The following PLAAT5 variants were observed in gnomAD, a reference collection of about 807,000 sequenced individuals.
The protein encoded by PLAAT5 is phospholipase A and acyltransferase 5.
PLAAT5 carries 27 observed loss-of-function variants against 27.8 expected under a neutral mutation model. The observed-to-expected ratio is 0.97, with a 90% confidence interval of 0.72 to 1.34. The LOEUF (loss-of-function observed/expected upper bound fraction) is 1.34, where lower values mean the gene tolerates loss of function less well. PLAAT5 is among the 40% of genes most tolerant of loss of function. The probability of loss-of-function intolerance (pLI) is 0.00; values close to 1 mark genes in which losing one functional copy is unlikely to be tolerated. For synonymous variants in PLAAT5, 125 were observed against 136.1 expected (o/e 0.92, Z 0.57); for missense variants, 368 against 343.8 (o/e 1.07, Z -0.56).
At chr11:63,475,552 C>T (rs1419784590) in intron 3 of PLAAT5, among the ~76,000 whole-genome samples, 1 of 151,910 alleles carries the variant, frequency 6.6e-6, no homozygotes, top group Non-Finnish European at 1.5e-5. Flanking sequence ...GGATCTTGTA[C>T]TATCAAGTCA....
At chr11:63,474,810 T>G (rs1481083855) in intron 3 of PLAAT5, among the ~76,000 whole-genome samples, 1 of 152,068 alleles carries the variant, frequency 6.6e-6, no homozygotes, top group Non-Finnish European at 1.5e-5. Flanking sequence ...GCTATAAATT[T>G]TCCTCTAAGC....
At chr11:63,466,619 C>T (rs1324952617) in intron 4 of PLAAT5, among the ~76,000 whole-genome samples, 1 of 152,170 alleles carries the variant, frequency 6.6e-6, no homozygotes, top group Non-Finnish European at 1.5e-5. Flanking sequence ...ACTCTTGGAG[C>T]ACCTTCCCAT....
chr11:63,486,751 C>T (rs1185960941), intron 3 of PLAAT5, among the ~76,000 whole-genome samples: 5 of 152,102 alleles, frequency 3.3e-5, no homozygotes, highest in Non-Finnish European at 7.4e-5. Context: ...TCTCAGAAAT[C>T]ACCACGAAGG....
intron 3 of PLAAT5, among the ~76,000 whole-genome samples, chr11:63,483,168 CA>C (rs2120316244): frequency 6.6e-6 from 1 of 150,910 alleles, no homozygotes; most frequent in African/African-American, 2.5e-5. Flanking sequence ...GGGGGGACTT[CA>C]GTACTCCACT....
chr11:63,483,825 A>ATATG (rs1225593608), intron 3 of PLAAT5, among the ~76,000 whole-genome samples: 2 of 114,612 alleles, frequency 1.7e-5, no homozygotes, highest in Admixed American at 9.0e-5. Flanking sequence ...ATATATATAT[A>ATATG]TATATATATA....
At chr11:63,479,181 G>A (rs1256691939) in intron 3 of PLAAT5, among the ~76,000 whole-genome samples, 1 of 152,256 alleles carries the variant, frequency 6.6e-6, no homozygotes, top group Non-Finnish European at 1.5e-5. Flanking sequence ...CAGCATGTGA[G>A]TGATGTAGAT....
intron 3 of PLAAT5, among the ~76,000 whole-genome samples, chr11:63,474,693 C>T (rs1015701363): frequency 1.5e-4 from 23 of 151,610 alleles, no homozygotes; most frequent in Non-Finnish European, 3.1e-4. Flanking sequence ...CATTTTCTTA[C>T]TTCTGCTTGT....
chr11:63,464,518 T>C (rs1327631545), intron 5 of PLAAT5, among the ~76,000 whole-genome samples: 2 of 152,062 alleles, frequency 1.3e-5, no homozygotes, highest in African/African-American at 4.8e-5. Flanking sequence ...TAGCTGGGCA[T>C]GGTGGCGTGC....
chr11:63,473,951 C>T (rs1009540469), intron 3 of PLAAT5, among the ~76,000 whole-genome samples: 1 of 152,070 alleles, frequency 6.6e-6, no homozygotes, highest in Non-Finnish European at 1.5e-5. Flanking sequence ...TGCCTGCCTC[C>T]ACCTCCCAAA....
chr11:63,490,753 A>T, intron 1 of PLAAT5, 134 bp downstream of exon 1: 1 of 865,080 alleles, frequency 1.2e-6, no homozygotes, highest in Non-Finnish European at 1.7e-6. Flanking sequence ...GGTCGTTCTG[A>T]AATACTCGCT....
intron 4 of PLAAT5, among the ~76,000 whole-genome samples, chr11:63,466,904 A>G (rs2015881413): frequency 6.6e-6 from 1 of 152,054 alleles, no homozygotes; most frequent in African/African-American, 2.4e-5. Flanking sequence ...ACTGACCTCT[A>G]CTCAAATACG....
At chr11:63,489,028 T>C (rs767564255) in intron 2 of PLAAT5, 52 bp from the exon 3 acceptor site, 127 of 1,269,464 alleles carry the variant, frequency 1.0e-4, no homozygotes, top group Non-Finnish European at 3.5e-5. Flanking sequence ...TTCATAATTA[T>C]TGGAAAATCT....
chr11:63,464,036 T>C (rs1236242232), intron 5 of PLAAT5, among the ~76,000 whole-genome samples: 2 of 152,196 alleles, frequency 1.3e-5, no homozygotes, highest in South Asian at 4.1e-4. Flanking sequence ...GGACTTCTTG[T>C]AATGCCCTCA....
At position 63,463,457 on chromosome 11, in the gene PLAAT5, T is replaced by C. The variant is rs2015769702; in HGVS notation, c.*46A>G. ...GGCAAGGGAAGGAAGCATGTTCTTT[T>C]TGCTTGTGTCAGTAACTCTTCCTCT... On this transcript the variant is annotated 3_prime_UTR_variant, in exon 6 of 6. Transcript: ENST00000540857. The C allele has an allele frequency of 7.0e-7, 1 of 1,422,478 alleles. No individual in the cohort carries two copies. The highest frequency in any genetic ancestry group is 9.9e-7 in the Non-Finnish European group (1 of 1,008,072). 88.1% of individuals were successfully genotyped at this position (1,422,478 alleles called of 1,614,324 possible).
rs565732384 is a variant in PLAAT5, at chr11:63,470,326, C to T, written c.346-1861G>A. The T allele has an allele frequency of 1.5e-4, 25 of 163,484 alleles. No homozygotes were observed. The South Asian group carries it at 4.2e-3, about 28-fold the overall frequency. The allele number at this position is 163,484 out of a possible 1,614,324, so 10.1% of individuals were successfully genotyped here. A position where few individuals can be genotyped will look rare whatever the true frequency, so the allele number is the denominator to read the frequency against. On this transcript the variant is annotated intron_variant, in intron 3 of 5. Transcript: ENST00000540857. ...AAGCCTTAGTAAACATAAGATAATT[C>T]GTGCTGGAGAAAAACCCTACAAATG...
At chr11:63,465,403 T>C (rs1434183396) in intron 5 of PLAAT5, among the ~76,000 whole-genome samples, 1 of 151,686 alleles carries the variant, frequency 6.6e-6, no homozygotes, top group Non-Finnish European at 1.5e-5. Context: ...TGTGTGTGTG[T>C]GTGTGTGTGT....
intron 4 of PLAAT5, 149 bp downstream of exon 4, chr11:63,468,207 CT>C: frequency 1.6e-6 from 1 of 634,442 alleles, no homozygotes; most frequent in Non-Finnish European, 2.8e-6. Flanking sequence ...AGAGACCAAG[CT>C]CTGTCACACA....
intron 3 of PLAAT5, among the ~76,000 whole-genome samples, chr11:63,476,629 G>T (rs550238549): frequency 2.0e-5 from 3 of 151,944 alleles, no homozygotes; most frequent in Non-Finnish European, 4.4e-5. Flanking sequence ...TTCTCTTGCT[G>T]TTTTCAAGAT....
chr11:63,476,204 A>C (rs1268097339), intron 3 of PLAAT5, among the ~76,000 whole-genome samples: 4 of 152,160 alleles, frequency 2.6e-5, no homozygotes, highest in African/African-American at 9.6e-5. Context: ...TATAAGACCA[A>C]GAATAGGATT....
Sources: gnomAD v4.1 joint callset for allele counts (sites outside exome capture counted in the v4.1 genomes callset) on GRCh38, gnomAD v4.1.1 for gene constraint, MANE v1.5 for transcripts, NCBI Gene and HGNC (gene_info 2026-07-23, HGNC 2026-07-21) for gene names.